Variants in ZNF44 observed in about 807,000 individuals in gnomAD.
ZNF44 encodes gonadotropin inducible transcription repressor-2.
ZNF44 carries 9 observed loss-of-function variants against 11.7 expected under a neutral mutation model. That is an observed-to-expected ratio of 0.77 (90% CI 0.46 to 1.35). The LOEUF (loss-of-function observed/expected upper bound fraction) is 1.35, where lower values mean the gene tolerates loss of function less well. ZNF44 is among the 40% of genes most tolerant of loss of function. The pLI is 0.00. For missense variants in ZNF44, 696 were observed against 743.1 expected, an observed-to-expected ratio of 0.94 and a Z score of 0.74; for synonymous variants, 224 against 242.7, an observed-to-expected ratio of 0.92 and a Z score of 0.72.
intron 1 of ZNF44, among the ~76,000 whole-genome samples, chr19:12,288,805 T>TATATATA (rs1967879450): frequency 4.8e-5 from 5 of 104,384 alleles, no homozygotes; most frequent in African/African-American, 6.8e-5. Context: ...TATATATATA[T>TATATATA]GAAATCACCT....
intron 5 of ZNF44, among the ~76,000 whole-genome samples, chr19:12,256,697 CT>C (rs950614463): frequency 5.0e-3 from 512 of 102,774 alleles, no homozygotes; most frequent in African/African-American, 0.011. Context: ...AGCAATTACT[CT>C]TTTTTTTTTT....
chr19:12,275,848 C>T, intron 2 of ZNF44, 108 bp downstream of exon 2: 1 of 1,369,950 alleles, frequency 7.3e-7, no homozygotes, highest in Non-Finnish European at 9.8e-7. Flanking sequence ...CTGTGTTGTT[C>T]AGGAATGAAC....
downstream of ZNF44, among the ~76,000 whole-genome samples, chr19:12,268,183 A>G (rs1008490473): frequency 6.6e-5 from 4 of 60,670 alleles, no homozygotes; most frequent in East Asian, 1.3e-3. Flanking sequence ...CACACACACA[A>G]GCTCCTTCCC....
chr19:12,228,043 T>C (rs891704764), intron 3 of ZNF44, among the ~76,000 whole-genome samples: 12 of 152,332 alleles, frequency 7.9e-5, no homozygotes, highest in African/African-American at 2.4e-4. Flanking sequence ...ACCCGTTGTG[T>C]TTTTATTTTA....
intron 1 of ZNF44, among the ~76,000 whole-genome samples, chr19:12,292,561 T>A (rs1457063171): frequency 1.3e-5 from 2 of 152,144 alleles, no homozygotes; most frequent in African/African-American, 4.8e-5. Context: ...TCAGGTCAGG[T>A]CGTTCTATCA....
chr19:12,247,075 T>A (rs1383152900), downstream of ZNF44, among the ~76,000 whole-genome samples: 2 of 151,668 alleles, frequency 1.3e-5, no homozygotes, highest in Non-Finnish European at 2.9e-5. Context: ...CTAGGAAGAA[T>A]CAAAAAGGGA....
chr19:12,286,185 T>C (rs1043222169), intron 1 of ZNF44, among the ~76,000 whole-genome samples: 2 of 152,222 alleles, frequency 1.3e-5, no homozygotes, highest in South Asian at 2.1e-4. Context: ...TCATCCTTTC[T>C]TGATGTCTCT....
chr19:12,268,740 A>ATT (rs34705958), downstream of ZNF44, among the ~76,000 whole-genome samples: 50 of 137,544 alleles, frequency 3.6e-4, no homozygotes, highest in Admixed American at 7.3e-4. Flanking sequence ...TGCCTGGCTA[A>ATT]TTTTTTTTTT....
chr19:12,294,201 T>C (rs750734057), intron 1 of ZNF44, among the ~76,000 whole-genome samples: 2 of 152,054 alleles, frequency 1.3e-5, no homozygotes, highest in Non-Finnish European at 2.9e-5. Flanking sequence ...TTTCTTCACC[T>C]CCAGTCCCAA....
chr19:12,250,491 G>T, intron 5 of ZNF44: 1 of 900,558 alleles, frequency 1.1e-6, no homozygotes, highest in African/African-American at 1.8e-5. Context: ...CTATGAATTT[G>T]TTGTCAGAAC....
intron 1 of ZNF44, chr19:12,284,240 C>A: frequency 3.0e-6 from 1 of 333,102 alleles, no homozygotes; most frequent in Non-Finnish European, 5.6e-6. Flanking sequence ...CCAGTAAAAA[C>A]ACAATATATA....
downstream of ZNF44, among the ~76,000 whole-genome samples, chr19:12,269,757 T>C (rs1315978027): frequency 6.6e-6 from 1 of 152,190 alleles, no homozygotes; most frequent in Non-Finnish European, 1.5e-5. Context: ...CCAAATTACT[T>C]ACATTATGGG....
intron 2 of ZNF44, among the ~76,000 whole-genome samples, chr19:12,275,719 T>C (rs1415942784): frequency 6.6e-6 from 1 of 152,166 alleles, no homozygotes; most frequent in Non-Finnish European, 1.5e-5. Flanking sequence ...ACATATGACA[T>C]ATATGTGCTC....
At chr19:12,238,956 T>G (rs1000671563), upstream of ZNF44, among the ~76,000 whole-genome samples, 16 of 152,188 alleles carry the variant, frequency 1.1e-4, no homozygotes, top group Admixed American at 9.2e-4. Context: ...TGAGTTCCTG[T>G]CCCCTCAGTG....
At chr19:12,225,462 T>C (rs546166456), downstream of ZNF44, among the ~76,000 whole-genome samples, 5 of 152,328 alleles carry the variant, frequency 3.3e-5, no homozygotes, top group African/African-American at 9.6e-5. Context: ...CGCTTTTTAC[T>C]AGGTCTGATT....
Position 12,272,177 on chromosome 19 carries a change from C to A in ZNF44, c.*230G>T. 1 of 525,364 alleles carries A rather than the reference C, an allele frequency of 1.9e-6. No individual in the cohort carries two copies. Among genetic ancestry groups the A allele is most frequent in the Non-Finnish European group, 2.8e-6 (1 of 362,178 alleles). 32.5% of individuals were successfully genotyped at this position (525,364 alleles called of 1,614,324 possible). A position where few individuals can be genotyped will look rare whatever the true frequency, so the allele number is the denominator to read the frequency against. On this transcript the variant is annotated 3_prime_UTR_variant, in exon 4 of 4. Coordinates refer to ENST00000355684, the MANE Select transcript of ZNF44 (RefSeq NM_016264.4). ...ATGCCTGGCTATTTTTTTTTTTTTC[C>A]GTATTTTTAGTAGAGACAGGGTTTC...
chr19:12,239,568 A>ATTTTTTTTTTTTTTTTTTTTTTTTTTTTT, upstream of ZNF44, among the ~76,000 whole-genome samples: 1 of 76,070 alleles, frequency 1.3e-5, no homozygotes, highest in Non-Finnish European at 2.8e-5. Flanking sequence ...CCCAAGTTGC[A>ATTTTTTTTTTTTTTTTTTTTTTTTTTTTT]TTTTTTTTTT....
upstream of ZNF44, among the ~76,000 whole-genome samples, chr19:12,238,624 CAA>C (rs760047200): frequency 0.011 from 706 of 62,630 alleles, 2 homozygotes; most frequent in African/African-American, 0.014. Context: ...GAGACTGTCT[CAA>C]AAAAAAAAAA....
chr19:12,269,452 G>A (rs1244641794), downstream of ZNF44, among the ~76,000 whole-genome samples: 1 of 152,158 alleles, frequency 6.6e-6, no homozygotes, highest in Non-Finnish European at 1.5e-5. Flanking sequence ...AACCCAGGAG[G>A]CAGAGGTTGC....
Sources: gnomAD v4.1 joint callset for allele counts (sites outside exome capture counted in the v4.1 genomes callset) on GRCh38, gnomAD v4.1.1 for gene constraint, MANE v1.5 for transcripts, NCBI Gene and HGNC (gene_info 2026-07-23, HGNC 2026-07-21) for gene names.